Variants in C10orf90 observed in about 807,000 individuals in gnomAD.
C10orf90 encodes chromosome 10 open reading frame 90, also known as (E2-independent) E3 ubiquitin-conjugating enzyme FATS.
In C10orf90, 56 loss-of-function variants were observed where a neutral mutation model predicts 62.5. The ratio of observed to expected loss-of-function variants is 0.90; its 90% confidence interval spans 0.72 to 1.12. The LOEUF is 1.12. Ranked by LOEUF, C10orf90 falls within the 50% of genes most tolerant of loss-of-function variation. C10orf90 has a pLI of 0.00. For missense variants in C10orf90, 970 were observed against 880.4 expected (o/e 1.10, Z -1.29); for synonymous variants, 386 against 340.4 (o/e 1.13, Z -1.47).
At chr10:126,491,383 T>C (rs1446370175) in intron 4 of C10orf90, among the ~76,000 whole-genome samples, 1 of 152,224 alleles carries the variant, frequency 6.6e-6, no homozygotes, top group African/African-American at 2.4e-5. Context: ...CTAATTGTGG[T>C]TAGTTACATA....
intron 2 of C10orf90, among the ~76,000 whole-genome samples, chr10:126,618,416 C>T (rs1845584469): frequency 6.6e-6 from 1 of 152,198 alleles, no homozygotes; most frequent in South Asian, 2.1e-4. Context: ...TCCCGCCTCC[C>T]CACATACTGT....
At chr10:126,490,552 A>T (rs985440688) in intron 4 of C10orf90, among the ~76,000 whole-genome samples, 1 of 152,072 alleles carries the variant, frequency 6.6e-6, no homozygotes, top group Non-Finnish European at 1.5e-5. Flanking sequence ...ATGGATGGTG[A>T]TGATGGTTGC....
rs184006476 is a variant in C10orf90 at position 126,661,313 on chromosome 10, C to A, written c.240+8928G>T. 2.2e-3 allele frequency among the ~76,000 whole-genome samples: 331 copies of A among 152,224 alleles called. 1 individual carries two copies. The highest frequency in any genetic ancestry group is 3.4e-3 in the Non-Finnish European group (231 of 68,020). On this transcript the variant is annotated intron_variant, in intron 1 of 9. Coordinates refer to ENST00000488181, the MANE Select transcript of C10orf90 (RefSeq NM_001350921.2). ...CTCCATGCCAATTCCAAGGCTCAAC[C>A]CTTTATATAGGTTATCTCTTTTAAT...
At chr10:126,436,799 GTT>G (rs140360641) in intron 7 of C10orf90, among the ~76,000 whole-genome samples, 20,525 of 152,104 alleles carry the variant, frequency 0.13, 1,580 homozygotes, top group Non-Finnish European at 0.17. Context: ...GAATAGCAGG[GTT>G]TTTGTTGTTT....
chr10:126,506,121 C>T (rs79097746), intron 3 of C10orf90, among the ~76,000 whole-genome samples: 1 of 152,222 alleles, frequency 6.6e-6, no homozygotes, highest in African/African-American at 2.4e-5. Context: ...TCGGTTGTAT[C>T]AGTTTTTGTC....
intron 1 of C10orf90, among the ~76,000 whole-genome samples, chr10:126,668,358 T>C (rs905035932): frequency 6.6e-6 from 1 of 152,134 alleles, no homozygotes; most frequent in Non-Finnish European, 1.5e-5. Context: ...CCAATGGCCT[T>C]GGAGCTGATA....
intron 2 of C10orf90, among the ~76,000 whole-genome samples, chr10:126,593,065 G>A (rs1218681135): frequency 1.3e-5 from 2 of 152,158 alleles, no homozygotes; most frequent in Non-Finnish European, 2.9e-5. Flanking sequence ...CAGAGAAAAA[G>A]GAACACTTTT....
intron 3 of C10orf90, among the ~76,000 whole-genome samples, chr10:126,512,812 A>C (rs1251595672): frequency 6.6e-6 from 1 of 152,154 alleles, no homozygotes; most frequent in African/African-American, 2.4e-5. Context: ...TTTCACATAG[A>C]AAGGAATTTA....
chr10:126,573,237 C>G (rs1844544955), intron 2 of C10orf90, among the ~76,000 whole-genome samples: 1 of 152,106 alleles, frequency 6.6e-6, no homozygotes, highest in South Asian at 2.1e-4. Context: ...GCTGCATGCA[C>G]CTGCACTGGT....
At chr10:126,629,942 G>C (rs1845819780) in intron 2 of C10orf90, among the ~76,000 whole-genome samples, 1 of 152,170 alleles carries the variant, frequency 6.6e-6, no homozygotes, top group South Asian at 2.1e-4. Flanking sequence ...TGCTAGACAA[G>C]CCTCCCTTTT....
At chr10:126,628,704 G>A (rs1189614040) in intron 2 of C10orf90, among the ~76,000 whole-genome samples, 1 of 152,190 alleles carries the variant, frequency 6.6e-6, no homozygotes, top group African/African-American at 2.4e-5. Flanking sequence ...TGAACACTTG[G>A]CAGTAAGCTG....
Position 126,656,823 on chromosome 10 carries a change from G to A in C10orf90, c.241-10186C>T, listed in dbSNP as rs529726929. On this transcript the variant is annotated intron_variant, in intron 1 of 9. Coordinates refer to ENST00000488181, the MANE Select transcript of C10orf90 (RefSeq NM_001350921.2). ...TGAACTGTATGCTTCAAAAACGTAT[G>A]AGTAATCATGTATGTAAGTTATATC... Among the ~76,000 whole-genome samples, 3 of 152,308 alleles carry A rather than the reference G, an allele frequency of 2.0e-5. No homozygotes were observed. In the South Asian group the frequency reaches 6.2e-4, roughly 32 times the overall value.
intron 4 of C10orf90, among the ~76,000 whole-genome samples, chr10:126,469,139 A>G (rs1254382534): frequency 6.6e-6 from 1 of 152,174 alleles, no homozygotes; most frequent in Non-Finnish European, 1.5e-5. Flanking sequence ...AAAACTATGA[A>G]AAGCAGACAC....
intron 7 of C10orf90, among the ~76,000 whole-genome samples, chr10:126,438,528 G>T (rs1403080583): frequency 6.6e-6 from 1 of 151,984 alleles, no homozygotes; most frequent in Non-Finnish European, 1.5e-5. Flanking sequence ...ACTTCTAAAA[G>T]AATACAGTAT....
intron 2 of C10orf90, among the ~76,000 whole-genome samples, chr10:126,532,929 A>AT (rs1554910883): frequency 2.7e-4 from 39 of 145,972 alleles, no homozygotes; most frequent in Admixed American, 9.1e-4. Flanking sequence ...TATTATTATT[A>AT]TTATTTATTT....
chr10:126,491,261 T>C (rs371232326), intron 4 of C10orf90, among the ~76,000 whole-genome samples: 2 of 152,192 alleles, frequency 1.3e-5, no homozygotes, highest in East Asian at 3.8e-4. Context: ...CTTCAATTTA[T>C]ATAGATTCTA....
intron 2 of C10orf90, among the ~76,000 whole-genome samples, chr10:126,514,729 T>C (rs1863338488): frequency 6.6e-6 from 1 of 152,216 alleles, no homozygotes; most frequent in Admixed American, 6.5e-5. Context: ...ACCCAGGGCT[T>C]ACACAGCCTT....
intron 4 of C10orf90, among the ~76,000 whole-genome samples, chr10:126,476,780 T>C (rs1310106733): frequency 6.6e-6 from 1 of 152,180 alleles, no homozygotes; most frequent in Non-Finnish European, 1.5e-5. Context: ...CACTTAGGTA[T>C]AGAAAATAGA....
Position 126,490,217 on chromosome 10 carries a change from C to T in C10orf90, c.1534+13740G>A, listed in dbSNP as rs532668646. Among the ~76,000 whole-genome samples the T allele has an allele frequency of 2.1e-4, 31 of 144,556 alleles. No individual in the cohort carries two copies. The South Asian group carries it at 3.4e-3, about 16-fold the overall frequency. The allele number at this position is 144,556 out of a possible 152,430, so 94.8% of individuals were successfully genotyped here. A position where few individuals can be genotyped will look rare whatever the true frequency, so the allele number is the denominator to read the frequency against. On this transcript the variant is annotated intron_variant, in intron 4 of 9. Coordinates refer to ENST00000488181, the MANE Select transcript of C10orf90 (RefSeq NM_001350921.2). ...AACCTTAACAGGAAAGAAATTCTAA[C>T]GCATGCAACGGCATAAATGAACCCT...
Sources: gnomAD v4.1 joint callset for allele counts (sites outside exome capture counted in the v4.1 genomes callset) on GRCh38, gnomAD v4.1.1 for gene constraint, MANE v1.5 for transcripts, NCBI Gene and HGNC (gene_info 2026-07-23, HGNC 2026-07-21) for gene names.